Variants in CCDC178 observed in about 807,000 individuals in gnomAD.
CCDC178 encodes coiled-coil domain-containing protein 178.
A neutral mutation model predicts 117.4 loss-of-function variants in CCDC178; 126 were observed. The ratio of observed to expected loss-of-function variants is 1.07; its 90% CI spans 0.93 to 1.24. The LOEUF is 1.24. Among genes scored for constraint, CCDC178 ranks in the 50% most tolerant of loss-of-function variants. The pLI is 0.00. For missense variants in CCDC178, 1,030 were observed against 986.9 expected (o/e 1.04, Z -0.59); for synonymous variants, 283 against 313.4 (o/e 0.90, Z 1.02).
chr18:33,366,213 C>T (rs1044820507), intron 6 of CCDC178, among the ~76,000 whole-genome samples: 2 of 151,982 alleles, frequency 1.3e-5, no homozygotes, highest in African/African-American at 4.8e-5. Flanking sequence ...GCCTGTAATC[C>T]TAACCTTTTG....
chr18:33,119,752 A>G (rs2057910302), intron 20 of CCDC178, among the ~76,000 whole-genome samples: 1 of 152,204 alleles, frequency 6.6e-6, no homozygotes, highest in African/African-American at 2.4e-5. Flanking sequence ...TTATTGCGGC[A>G]CTATTCACAA....
chr18:33,276,940 T>C (rs1483458787), intron 12 of CCDC178, among the ~76,000 whole-genome samples: 1 of 152,048 alleles, frequency 6.6e-6, no homozygotes, highest in African/African-American at 2.4e-5. Flanking sequence ...ACTCAATACA[T>C]TGAAACTGAC....
At chr18:33,118,023 G>C (rs1290257673) in intron 20 of CCDC178, among the ~76,000 whole-genome samples, 1 of 152,050 alleles carries the variant, frequency 6.6e-6, no homozygotes, top group African/African-American at 2.4e-5. Context: ...ACCCCTGTCT[G>C]ACAACCACAG....
At chr18:33,206,101 T>C (rs1156705117) in intron 20 of CCDC178, among the ~76,000 whole-genome samples, 1 of 152,212 alleles carries the variant, frequency 6.6e-6, no homozygotes, top group Non-Finnish European at 1.5e-5. Flanking sequence ...TAATGATTTA[T>C]GTCAGCTATT....
chr18:33,184,613 A>G (rs2144492812), intron 20 of CCDC178, among the ~76,000 whole-genome samples: 1 of 152,216 alleles, frequency 6.6e-6, no homozygotes, highest in South Asian at 2.1e-4. Context: ...AAGGCATTCA[A>G]CTGTGCCCTT....
intron 12 of CCDC178, among the ~76,000 whole-genome samples, chr18:33,285,608 T>C (rs981587117): frequency 1.3e-5 from 2 of 152,006 alleles, no homozygotes; most frequent in Non-Finnish European, 2.9e-5. Flanking sequence ...AGCAGTAAAT[T>C]AAAAGAACAA....
intron 21 of CCDC178, among the ~76,000 whole-genome samples, chr18:33,070,647 T>C (rs2057092314): frequency 6.6e-6 from 1 of 151,998 alleles, no homozygotes; most frequent in Non-Finnish European, 1.5e-5. Flanking sequence ...TATTTAAAAA[T>C]AGCTAGGAGA....
At chr18:33,244,213 T>C (rs1245275878) in intron 15 of CCDC178, among the ~76,000 whole-genome samples, 1 of 151,958 alleles carries the variant, frequency 6.6e-6, no homozygotes, top group Non-Finnish European at 1.5e-5. Flanking sequence ...TTGGAAATGG[T>C]GTACAGACTG....
intron 20 of CCDC178, among the ~76,000 whole-genome samples, chr18:33,200,220 A>T (rs2058976470): frequency 6.6e-6 from 1 of 152,186 alleles, no homozygotes. Flanking sequence ...TTTTCACTTC[A>T]TTGCACTGGG....
intron 21 of CCDC178, among the ~76,000 whole-genome samples, chr18:32,977,557 T>C (rs2055053397): frequency 6.6e-6 from 1 of 152,152 alleles, no homozygotes; most frequent in Non-Finnish European, 1.5e-5. Flanking sequence ...AATGGGAGCC[T>C]ACCTTGTACA....
chr18:33,360,526 C>T (rs1349317353), intron 6 of CCDC178, among the ~76,000 whole-genome samples: 4 of 150,984 alleles, frequency 2.6e-5, no homozygotes, highest in Non-Finnish European at 5.9e-5. Context: ...ATCTAATATC[C>T]AGAATAGATA....
In CCDC178 at chr18:33,211,968, C is replaced by T. The variant is rs1568059502; in HGVS notation, c.2166G>A (p.Glu722=). The T allele has an allele frequency of 1.4e-5, 22 of 1,609,912 alleles. No homozygotes were observed. The highest frequency in any genetic ancestry group is 1.8e-5 in the Non-Finnish European group (21 of 1,177,700). ...ATCTCTGATCTTCCTCAAAGATTCT[C>T]TCTTCACAGTCTTTTTTCTCTTGCA... is the stretch of plus-strand genomic sequence containing the variant. ...HYMQEKKDCE[E]RIFEEDQRFR... The change falls in exon 20 of 23, where the codon GAG becomes GAA. Residue 722 remains glutamate (E), a synonymous_variant. Coordinates refer to ENST00000383096, the MANE Select transcript of CCDC178 (RefSeq NM_001105528.4).
At chr18:33,344,197 G>C (rs1357569774) in intron 9 of CCDC178, among the ~76,000 whole-genome samples, 4 of 150,352 alleles carry the variant, frequency 2.7e-5, no homozygotes, top group Non-Finnish European at 5.9e-5. Context: ...CCAGCTACTC[G>C]GGAGGCTGAG....
intron 11 of CCDC178, among the ~76,000 whole-genome samples, chr18:33,309,745 T>G (rs910631755): frequency 6.6e-6 from 1 of 152,096 alleles, no homozygotes; most frequent in African/African-American, 2.4e-5. Flanking sequence ...TAATTTTATG[T>G]AATTTGGAGA....
At chr18:33,295,710 G>A (rs1168408237) in intron 11 of CCDC178, among the ~76,000 whole-genome samples, 1 of 151,986 alleles carries the variant, frequency 6.6e-6, no homozygotes, top group Non-Finnish European at 1.5e-5. Context: ...TTGCCATTAG[G>A]GAAATGCAAA....
intron 16 of CCDC178, among the ~76,000 whole-genome samples, chr18:33,225,439 C>T (rs924094859): frequency 1.3e-5 from 2 of 152,138 alleles, no homozygotes; most frequent in African/African-American, 2.4e-5. Context: ...GGATTACAGG[C>T]GTGAGCCACC....
chr18:32,997,053 A>T (rs960033842), intron 21 of CCDC178, among the ~76,000 whole-genome samples: 35 of 152,164 alleles, frequency 2.3e-4, no homozygotes, highest in African/African-American at 8.2e-4. Context: ...AAAGACTTCA[A>T]ATCATAATCC....
chr18:33,145,669 C>A (rs1197044528), intron 20 of CCDC178, among the ~76,000 whole-genome samples: 2 of 152,118 alleles, frequency 1.3e-5, no homozygotes, highest in East Asian at 3.9e-4. Flanking sequence ...GGGTCATGAA[C>A]AGAATACACA....
chr18:33,002,593 C>T (rs902049116), intron 21 of CCDC178, among the ~76,000 whole-genome samples: 3 of 151,758 alleles, frequency 2.0e-5, no homozygotes, highest in African/African-American at 7.2e-5. Flanking sequence ...AGAAAAACTT[C>T]AAATAAACAA....
Sources: allele counts gnomAD v4.1 joint callset (sites outside exome capture counted in the v4.1 genomes callset), GRCh38; gene constraint gnomAD v4.1.1; transcripts MANE v1.5; gene names NCBI Gene and HGNC (gene_info 2026-07-23, HGNC 2026-07-21).